Variants in DCLK1 observed in about 807,000 individuals in gnomAD.
DCLK1 encodes serine/threonine-protein kinase DCLK1.
DCLK1 carries 16 observed loss-of-function variants against 86.2 expected under a neutral mutation model. The ratio of observed to expected loss-of-function variants is 0.19; its 90% CI spans 0.13 to 0.28. DCLK1 has a LOEUF of 0.28. DCLK1 is among the 10% of genes least tolerant of loss of function. DCLK1 has a pLI of 1.00. For missense variants in DCLK1, 590 were observed against 940.2 expected, an observed-to-expected ratio of 0.63 and a Z score of 4.87; for synonymous variants, 369 against 370.5, an observed-to-expected ratio of 1.00 and a Z score of 0.05.
chr13:36,044,503 A>G (rs1882806339), intron 3 of DCLK1, among the ~76,000 whole-genome samples: 1 of 152,226 alleles, frequency 6.6e-6, no homozygotes, highest in Non-Finnish European at 1.5e-5. Context: ...TTGGTAGATC[A>G]TCTGATACAT....
intron 3 of DCLK1, among the ~76,000 whole-genome samples, chr13:35,981,237 T>G (rs1879624231): frequency 6.6e-6 from 1 of 152,178 alleles, no homozygotes; most frequent in South Asian, 2.1e-4. Flanking sequence ...GTTTTTTTTT[T>G]GTGACAGGCT....
chr13:35,818,205 C>T (rs2087312674), intron 11 of DCLK1, among the ~76,000 whole-genome samples: 1 of 152,150 alleles, frequency 6.6e-6, no homozygotes, highest in African/African-American at 2.4e-5. Flanking sequence ...CTCTCTGTGG[C>T]ACTCATCTTG....
intron 5 of DCLK1, among the ~76,000 whole-genome samples, chr13:35,866,453 C>CTTTTTTT (rs34793570): frequency 7.4e-6 from 1 of 134,284 alleles, no homozygotes; most frequent in Non-Finnish European, 1.6e-5. Flanking sequence ...AACAAAGACT[C>CTTTTTTT]TTTTTTTTTT....
At chr13:36,045,915 G>C (rs948157698) in intron 3 of DCLK1, among the ~76,000 whole-genome samples, 1 of 151,912 alleles carries the variant, frequency 6.6e-6, no homozygotes, top group Non-Finnish European at 1.5e-5. Context: ...CCCAGTAAAG[G>C]TATGTTGAAG....
Position 35,854,523 on chromosome 13 carries a change from G to A in DCLK1, c.1011C>T (p.Ser337=), listed in dbSNP as rs1387564382. The change falls in exon 6 of 17, where the codon AGC becomes AGT. Residue 337 remains serine (S), a synonymous_variant. Transcript: ENST00000360631. The stretch of plus-strand genomic sequence containing the variant: ...CCCTCTGCTTCCGCAGGCTTCCTGG[G>A]CTGGTGGGTGATGGGCTTGGCGACT... ...SGKSPSPSPT[S]PGSLRKQRSS... 6.2e-7 allele frequency: 1 copy of A among 1,604,540 alleles called. No individual in the cohort carries two copies. Among genetic ancestry groups the A allele is most frequent in the Non-Finnish European group, 8.5e-7 (1 of 1,175,014 alleles).
At chr13:35,966,226 T>C (rs757420620) in intron 3 of DCLK1, among the ~76,000 whole-genome samples, 16 of 152,202 alleles carry the variant, frequency 1.1e-4, no homozygotes, top group Admixed American at 7.8e-4. Context: ...AACAGCATGC[T>C]GATTTCTCAC....
chr13:35,838,790 C>T (rs1869581873), intron 7 of DCLK1, among the ~76,000 whole-genome samples: 1 of 152,180 alleles, frequency 6.6e-6, no homozygotes, highest in South Asian at 2.1e-4. Context: ...AAAACAAAAG[C>T]AGCCACGATC....
At chr13:36,131,389 GGC>G, upstream of DCLK1, 3 of 195,870 alleles carry the variant, frequency 1.5e-5, no homozygotes, top group Non-Finnish European at 2.0e-5. Context: ...CGGCGGCGGC[GGC>G]GGCGGGCGCG....
intron 3 of DCLK1, among the ~76,000 whole-genome samples, chr13:36,045,343 T>C (rs1593843883): frequency 2.1e-5 from 2 of 96,332 alleles, no homozygotes; most frequent in African/African-American, 9.6e-5. Flanking sequence ...TATATATATA[T>C]ATATATATAT....
chr13:35,831,887 T>C (rs530836075), intron 8 of DCLK1, among the ~76,000 whole-genome samples: 4 of 152,288 alleles, frequency 2.6e-5, no homozygotes, highest in Non-Finnish European at 4.4e-5. Context: ...TTGGTGTTTG[T>C]GCTAAAAATG....
chr13:35,946,641 TAA>T (rs1877398235), intron 4 of DCLK1, among the ~76,000 whole-genome samples: 1 of 152,224 alleles, frequency 6.6e-6, no homozygotes, highest in Non-Finnish European at 1.5e-5. Flanking sequence ...CTCCCATAAT[TAA>T]ATTAGAGTAA....
At position 36,013,379 on chromosome 13, in the gene DCLK1, T is replaced by A. The variant is rs1388293526; in HGVS notation, c.724-65922A>T. The stretch of plus-strand genomic sequence containing the variant: ...TGGTTTTATCTACTTTTGGTCTTTG[T>A]TGATGGTGATGTACAGATGGGTTTT... On this transcript the variant is annotated intron_variant, in intron 3 of 16. Coordinates refer to ENST00000360631, the MANE Select transcript of DCLK1 (RefSeq NM_001330071.2). Among the ~76,000 whole-genome samples, 5 of 151,618 alleles carry A rather than the reference T, an allele frequency of 3.3e-5. No homozygotes were observed. In the South Asian group the frequency reaches 6.3e-4, roughly 19 times the overall value.
chr13:36,021,138 TG>T (rs2153150593), intron 3 of DCLK1, among the ~76,000 whole-genome samples: 2 of 152,166 alleles, frequency 1.3e-5, no homozygotes, highest in African/African-American at 4.8e-5. Flanking sequence ...AGAGCTATAT[TG>T]GAGCAAAGTC....
chr13:35,817,219 T>A (rs570129581), intron 11 of DCLK1, among the ~76,000 whole-genome samples: 80 of 152,306 alleles, frequency 5.3e-4, no homozygotes, highest in African/African-American at 1.9e-3. Context: ...TTTTCCTTCC[T>A]GTCCTCATCT....
chr13:35,787,658 AAAAAC>A (rs563551696), intron 16 of DCLK1, among the ~76,000 whole-genome samples: 17 of 152,232 alleles, frequency 1.1e-4, no homozygotes, highest in Non-Finnish European at 2.1e-4. Context: ...ACAATAAAAC[AAAAAC>A]AAAACAAAAA....
At chr13:35,856,975 C>A (rs948672889) in intron 5 of DCLK1, among the ~76,000 whole-genome samples, 1 of 152,164 alleles carries the variant, frequency 6.6e-6, no homozygotes, top group African/African-American at 2.4e-5. Flanking sequence ...TCAAAACCTG[C>A]AGTCTTACTA....
chr13:36,080,597 G>A lies in DCLK1; in HGVS notation c.723+31272C>T, dbSNP rs115209199. Among the ~76,000 whole-genome samples the A allele has an allele frequency of 9.2e-3, 1,406 of 152,200 alleles. 16 individuals carry two copies. The highest frequency in any genetic ancestry group is 0.032 in the African/African-American group (1,332 of 41,516). On this transcript the variant is annotated intron_variant, in intron 3 of 16. Transcript: ENST00000360631. ...TTCAGTCTACTTCCATCTTGGTCCC[G>A]AAATATTCTATGTAAAAATAATTTA...
intron 4 of DCLK1, among the ~76,000 whole-genome samples, chr13:35,873,406 CAG>C (rs1338001371): frequency 2.0e-5 from 3 of 151,900 alleles, no homozygotes; most frequent in African/African-American, 4.8e-5. Context: ...CCCCTCAAGA[CAG>C]AGTCTCGCTC....
intron 4 of DCLK1, among the ~76,000 whole-genome samples, chr13:35,888,406 T>C (rs1257300079): frequency 1.3e-5 from 2 of 152,232 alleles, no homozygotes; most frequent in African/African-American, 4.8e-5. Context: ...CTCTTTTCTT[T>C]TTTATTAGGA....
Sources: allele counts gnomAD v4.1 joint callset (sites outside exome capture counted in the v4.1 genomes callset), GRCh38; gene constraint gnomAD v4.1.1; transcripts MANE v1.5; gene names NCBI Gene and HGNC (gene_info 2026-07-23, HGNC 2026-07-21).